Variants in FAT1 observed in about 807,000 individuals in gnomAD.
FAT1 encodes the protein FAT atypical cadherin 1, also known as protocadherin Fat 1.
FAT1 carries 171 observed loss-of-function variants against 329.8 expected under a neutral mutation model. The ratio of observed to expected loss-of-function variants is 0.52; its 90% CI spans 0.46 to 0.59. The LOEUF (loss-of-function observed/expected upper bound fraction) is 0.59. Among genes scored for constraint, FAT1 ranks in the 20% least tolerant of loss-of-function variants. FAT1 has a pLI of 0.00. For synonymous variants in FAT1, 2,233 were observed against 2,228.6 expected, an observed-to-expected ratio of 1.00 and a Z score of -0.06; for missense variants, 5,672 against 5,774.4, an observed-to-expected ratio of 0.98 and a Z score of 0.57.
intron 3 of FAT1, among the ~76,000 whole-genome samples, chr4:186,654,451 T>C (rs1382112582): frequency 6.6e-6 from 1 of 152,176 alleles, no homozygotes; most frequent in Admixed American, 6.5e-5. Context: ...AAATTAGGCT[T>C]TGCTGGTTTC....
chr4:186,671,991 GAC>G (rs1393688831), intron 2 of FAT1, among the ~76,000 whole-genome samples: 1 of 152,168 alleles, frequency 6.6e-6, no homozygotes, highest in East Asian at 1.9e-4. Context: ...CTCAGGGAAT[GAC>G]ACAGGAAATG....
rs1299672525 is a variant in FAT1 at position 186,596,788 on chromosome 4, A to G, written c.12752T>C (p.Val4251Ala). The G allele has an allele frequency of 1.2e-6, 2 of 1,614,018 alleles. No individual in the cohort carries two copies. The highest frequency in any genetic ancestry group is 2.2e-5 in the South Asian group (2 of 91,080). Residue 4251 changes from valine to alanine, a missense_variant, in exon 25 of 27, where the codon GTC (valine) becomes GCC (alanine). Physicochemically the swap from Val to Ala is moderately conservative, Grantham distance 64. Around this residue, in one of 2 missense-constraint regions of FAT1, gnomAD observed 1,706 missense variants for 1,859.1 expected, o/e 0.92. Transcript: ENST00000441802. This position sits in a 1 kb window ranked among gnomAD's most constrained non-coding sequence, Gnocchi z 4.7. Reference sequence around the variant, plus strand: ...ACTCGGGGTGTAGGAAATAGGCCGGACAGGCACCTGGGGTGGTATGTCTGA... The same window carrying G: ...ACTCGGGGTGTAGGAAATAGGCCGGGCAGGCACCTGGGGTGGTATGTCTGA... The part of the protein sequence containing the change: ...IYSDIPPQVP[V>A]RPISYTPSIP...
At position 186,617,218 on chromosome 4, in the gene FAT1, G is replaced by C. The variant is rs1482933829; in HGVS notation, c.8879-17C>G. 1 of 1,499,042 alleles carries C rather than the reference G, an allele frequency of 6.7e-7. No homozygotes were observed. The highest frequency in any genetic ancestry group is 1.4e-5 in the African/African-American group (1 of 70,590). The allele number at this position is 1,499,042 out of a possible 1,614,324, so 92.9% of individuals were successfully genotyped here. A position where few individuals can be genotyped will look rare whatever the true frequency, so the allele number is the denominator to read the frequency against. On this transcript the variant is annotated splice_polypyrimidine_tract_variant and intron_variant, in intron 10 of 26. Coordinates refer to ENST00000441802, the MANE Select transcript of FAT1 (RefSeq NM_005245.4). ...GATCCCCTCCTATTAAATCAATGGAGGAAGATAATAATCAAATTTGTTGAA... is the reference window on the plus strand; with the variant it reads ...GATCCCCTCCTATTAAATCAATGGACGAAGATAATAATCAAATTTGTTGAA...
rs772540738 is a variant in FAT1 at position 186,598,031 on chromosome 4, C to T, written c.12198G>A (p.Thr4066=). 33 of 1,613,776 alleles carry T rather than the reference C, an allele frequency of 2.0e-5. No individual in the cohort carries two copies. Among genetic ancestry groups the T allele is most frequent in the Middle Eastern group, 3.3e-4 (2 of 6,084 alleles). ...CAAAGCCTCCGTTGTCGACAACACA[C>T]GTGCCCCCATAGAGGCATGGCTTGG... ...CSSKPCLYGG[T]CVVDNGGFVC... is the part of the protein sequence containing the mutation. Residue 4066 remains threonine (T), a synonymous_variant, in exon 23 of 27, where the codon ACG becomes ACA. Coordinates refer to ENST00000441802, the MANE Select transcript of FAT1 (RefSeq NM_005245.4).
chr4:186,625,424 T>C lies in FAT1; in HGVS notation c.4810+2730A>G, dbSNP rs550859730. On this transcript the variant is annotated intron_variant, in intron 9 of 26. Transcript: ENST00000441802. ...TGTTTTAAGGGAAACAAATGAAATTTCAAATATGTTAAATAAACATAGTTT... is the reference window on the plus strand; with the variant it reads ...TGTTTTAAGGGAAACAAATGAAATTCCAAATATGTTAAATAAACATAGTTT... 7.2e-5 allele frequency among the ~76,000 whole-genome samples: 11 copies of C among 152,324 alleles called. No homozygotes were observed. In the East Asian group the frequency reaches 2.1e-3, roughly 29 times the overall value.
At chr4:186,665,837 C>T (rs1270738136) in intron 2 of FAT1, among the ~76,000 whole-genome samples, 3 of 152,098 alleles carry the variant, frequency 2.0e-5, no homozygotes, top group East Asian at 3.9e-4. Flanking sequence ...ACCTACACAC[C>T]ATGGAATACT....
intron 2 of FAT1, among the ~76,000 whole-genome samples, chr4:186,680,533 G>C (rs182407844): frequency 2.6e-4 from 40 of 152,238 alleles, no homozygotes; most frequent in Non-Finnish European, 5.9e-5. Context: ...CTTTACAAAG[G>C]CACATGTGGT....
At chr4:186,690,917 TG>T (rs1217502996) in intron 2 of FAT1, among the ~76,000 whole-genome samples, 1 of 152,342 alleles carries the variant, frequency 6.6e-6, no homozygotes, top group East Asian at 1.9e-4. Context: ...TTGTACTTTT[TG>T]ATATGTTGGA....
chr4:186,674,592 T>G (rs1457060217), intron 2 of FAT1, among the ~76,000 whole-genome samples: 1 of 152,052 alleles, frequency 6.6e-6, no homozygotes, highest in Non-Finnish European at 1.5e-5. Flanking sequence ...TTATAACAAC[T>G]AAAGGAAGGC....
In FAT1 at chr4:186,613,258, C is replaced by T. The variant is rs776487441; in HGVS notation, c.9314G>A (p.Arg3105Lys). The T allele has an allele frequency of 6.2e-7, 1 of 1,613,980 alleles. No homozygotes were observed. The highest frequency in any genetic ancestry group is 2.2e-5 in the East Asian group (1 of 44,878). The part of the protein sequence containing the change: ...LLVRATDGGG[R>K]FCQASIVLTL... ...GAGCACAATACTGGCTTGGCAGAAT[C>T]TTCCTCCTCCATCTGTGGCCCTGAC... Residue 3105 changes from arginine to lysine, a missense_variant, in exon 13 of 27, where the codon AGA (arginine) becomes AAA (lysine). Around this residue, in one of 2 missense-constraint regions of FAT1, gnomAD observed 3,966 missense variants for 3,915.2 expected, o/e 1.01. Coordinates refer to ENST00000441802, the MANE Select transcript of FAT1 (RefSeq NM_005245.4).
chr4:186,726,456 T>C (rs1745722826), upstream of FAT1: 1 of 151,456 alleles, frequency 6.6e-6, no homozygotes, highest in African/African-American at 2.4e-5. Context: ...AAGTACCAAC[T>C]TTGCCTCCCC....
chr4:186,680,710 A>T (rs1008054023), intron 2 of FAT1, among the ~76,000 whole-genome samples: 1 of 152,226 alleles, frequency 6.6e-6, no homozygotes, highest in African/African-American at 2.4e-5. Flanking sequence ...CTAATTTTAC[A>T]GACAAGGAAG....
At chr4:186,689,355 A>G (rs547999004) in intron 2 of FAT1, among the ~76,000 whole-genome samples, 1 of 152,354 alleles carries the variant, frequency 6.6e-6, no homozygotes, top group South Asian at 2.1e-4. Flanking sequence ...AAAAAGACAC[A>G]TGATTTACTC....
chr4:186,610,248 C>T (rs930551436), intron 14 of FAT1, among the ~76,000 whole-genome samples: 1 of 152,022 alleles, frequency 6.6e-6, no homozygotes, highest in African/African-American at 2.4e-5. Context: ...ATTTAAATTG[C>T]TTTTCCAGTC....
intron 26 of FAT1, 88 bp from the exon 27 acceptor site, chr4:186,589,308 G>C (rs1402283169): frequency 2.2e-6 from 3 of 1,377,182 alleles, no homozygotes; most frequent in Admixed American, 4.6e-5. Context: ...AAGACACAAA[G>C]ATGCAACCGC....
rs1739439934 is a variant in FAT1 at position 186,611,483 on chromosome 4, C to T, written c.9756G>A (p.Val3252=). 5 of 1,613,854 alleles carry T rather than the reference C, an allele frequency of 3.1e-6. No homozygotes were observed. Among genetic ancestry groups the T allele is most frequent in the South Asian group, 2.2e-5 (2 of 91,086 alleles). ...CTTCAATATCCCGACTTGCTGCATA[C>T]ACTTGAAGAACTTCAGTTCCAACAA... The part of the protein sequence containing the change: ...DILVGTEVLQ[V]YAASRDIEAN... Residue 3252 remains valine (V), a synonymous_variant, in exon 14 of 27, where the codon GTG becomes GTA. Transcript: ENST00000441802.
At chr4:186,723,088 T>C (rs1745532695) in intron 1 of FAT1, among the ~76,000 whole-genome samples, 4 of 152,214 alleles carry the variant, frequency 2.6e-5, no homozygotes, top group African/African-American at 9.7e-5. Context: ...CTCTTTCTTT[T>C]AAAAAGATCT....
Position 186,663,333 on chromosome 4 carries a change from A to C in FAT1, c.3546T>G (p.Asn1182Lys), listed in dbSNP as rs745866796. Residue 1182 changes from asparagine to lysine, a missense_variant, in exon 3 of 27, where the codon AAT becomes AAG. By Grantham distance (94) the Asn-to-Lys change is moderately conservative. Around this residue, in one of 2 missense-constraint regions of FAT1, gnomAD observed 3,966 missense variants for 3,915.2 expected, o/e 1.01. Coordinates refer to ENST00000441802, the MANE Select transcript of FAT1 (RefSeq NM_005245.4). ...GATGTATTGAAAAGAATCCTTGTGG[A>C]TTTCCACTTGTAATTTTGTACATGA... ...DKLMYKITSG[N>K]PQGFFSIHPK... The C allele has an allele frequency of 3.7e-6, 6 of 1,613,906 alleles. No individual in the cohort carries two copies. The Admixed American group carries it at 5.0e-5, about 13-fold the overall frequency.
chr4:186,588,848 T>G lies in FAT1; in HGVS notation c.13511A>C (p.Lys4504Thr), dbSNP rs754762942. ...YPLDMSEPQTKGTGENSTCRE... is the reference protein window; with the variant it reads ...YPLDMSEPQTTGTGENSTCRE... ...ACAAGTACTATTCTCACCAGTGCCTTTTGTTTGAGGTTCAGACATATCGAG... is the reference window on the plus strand; with the variant it reads ...ACAAGTACTATTCTCACCAGTGCCTGTTGTTTGAGGTTCAGACATATCGAG... The change falls in exon 27 of 27, where the codon AAA becomes ACA. Residue 4504 changes from lysine to threonine, a missense_variant. Lys to Thr is a moderately conservative substitution (Grantham distance 78). Coordinates refer to ENST00000441802, the MANE Select transcript of FAT1 (RefSeq NM_005245.4). 1 of 1,613,926 alleles carries G rather than the reference T, an allele frequency of 6.2e-7. No individual in the cohort carries two copies. Among genetic ancestry groups the G allele is most frequent in the Non-Finnish European group, 8.5e-7 (1 of 1,179,876 alleles).
Sources: allele counts gnomAD v4.1 joint callset (sites outside exome capture counted in the v4.1 genomes callset), GRCh38; gene constraint gnomAD v4.1.1; regional missense constraint gnomAD v4.1.1; non-coding constraint Gnocchi (gnomAD v3.1); transcripts MANE v1.5; gene names NCBI Gene and HGNC (gene_info 2026-07-23, HGNC 2026-07-21).